The following MMEL1 variants were observed in gnomAD, a reference collection of about 807,000 sequenced individuals.
The protein encoded by MMEL1 is membrane metalloendopeptidase like 1, also known as membrane metallo-endopeptidase-like 1.
Under a neutral mutation model 117.1 loss-of-function variants are expected in MMEL1, and 98 were observed. The observed-to-expected ratio is 0.84, with a 90% CI of 0.71 to 0.99. The LOEUF (loss-of-function observed/expected upper bound fraction) is 0.99. Ranked by LOEUF, MMEL1 falls within the 50% of genes least tolerant of loss-of-function variation. The pLI, the probability that MMEL1 is intolerant of heterozygous loss-of-function variation, is 0.00. For missense variants in MMEL1, 1,014 were observed against 1,049.1 expected (o/e 0.97, Z 0.46); for synonymous variants, 390 against 415.1 (o/e 0.94, Z 0.74).
intron 2 of MMEL1, among the ~76,000 whole-genome samples, chr1:2,628,957 G>T (rs562081140): frequency 6.7e-6 from 1 of 150,022 alleles, no homozygotes; most frequent in African/African-American, 2.5e-5. Flanking sequence ...AGCCGGGGCT[G>T]CGCGGCCAGG....
chr1:2,598,349 G>T, intron 12 of MMEL1, 49 bp from the exon 13 acceptor site: 1 of 1,574,274 alleles, frequency 6.4e-7, no homozygotes, highest in Non-Finnish European at 8.7e-7. Flanking sequence ...AGAGGTCTTT[G>T]CAAGGGAGGA....
rs534160936 is a variant in MMEL1 at position 2,599,595 on chromosome 1, C to T, written c.1042-805G>A. ...AGAAGGGGTCAGCCACAGTGGCTCA[C>T]GCCTGTAATCCCAACACTTTGGGAG... On this transcript the variant is annotated intron_variant, in intron 11 of 23. Coordinates refer to ENST00000378412, the MANE Select transcript of MMEL1 (RefSeq NM_033467.4). 5.9e-5 allele frequency among the ~76,000 whole-genome samples: 9 copies of T among 152,348 alleles called. No individual in the cohort carries two copies. The South Asian group carries it at 1.7e-3, about 28-fold the overall frequency.
chr1:2,601,314 C>T (rs1265964364), intron 11 of MMEL1, among the ~76,000 whole-genome samples: 1 of 152,136 alleles, frequency 6.6e-6, no homozygotes, highest in African/African-American at 2.4e-5. Flanking sequence ...CGCATAGACA[C>T]ACAGGAACAC....
chr1:2,591,884 A>G (rs1644721897), intron 22 of MMEL1, 48 bp downstream of exon 22: 5 of 1,568,636 alleles, frequency 3.2e-6, no homozygotes, highest in Non-Finnish European at 4.4e-6. Flanking sequence ...CCCTCCAGAG[A>G]TGAGTGGGGA....
chr1:2,592,909 T>C lies in MMEL1; in HGVS notation c.1925A>G (p.Gln642Arg). Residue 642 changes from glutamine (Q) to arginine (R), a missense_variant, in exon 20 of 24, where the codon CAG becomes CGG. Transcript: ENST00000378412. ...MMDWWSNFST[Q>R]HFREQSECMI... The stretch of plus-strand genomic sequence containing the variant: ...GCACTCTGACTGCTCCCGGAAGTGC[T>C]GGGTGGAGAAGTTACTCCACCAATC... The C allele has an allele frequency of 6.2e-7, 1 of 1,613,828 alleles. No homozygotes were observed. Among genetic ancestry groups the C allele is most frequent in the African/African-American group, 1.3e-5 (1 of 75,024 alleles).
chr1:2,598,984 T>G (rs1443094640), intron 11 of MMEL1, among the ~76,000 whole-genome samples, 194 bp from the exon 12 acceptor site: 3 of 152,182 alleles, frequency 2.0e-5, no homozygotes, highest in Non-Finnish European at 4.4e-5. Context: ...ATCATGCAGA[T>G]ATATGCGAAA....
At chr1:2,627,434 A>G (rs1638327939) in intron 2 of MMEL1, among the ~76,000 whole-genome samples, 1 of 152,196 alleles carries the variant, frequency 6.6e-6, no homozygotes, top group South Asian at 2.1e-4. Flanking sequence ...TATGTAGAAG[A>G]CTTGATTGAT....
chr1:2,630,359 T>C (rs1233025238), intron 1 of MMEL1, among the ~76,000 whole-genome samples: 6 of 152,160 alleles, frequency 3.9e-5, no homozygotes, highest in Non-Finnish European at 8.8e-5. Flanking sequence ...TGACTGTGCG[T>C]GTGTGCATAT....
intron 2 of MMEL1, among the ~76,000 whole-genome samples, chr1:2,624,852 C>G: frequency 6.6e-6 from 1 of 152,144 alleles, no homozygotes; most frequent in African/African-American, 2.4e-5. Flanking sequence ...GGAAGCGTGG[C>G]TAGGACGCCT....
At chr1:2,594,052 G>A (rs1644790243) in intron 18 of MMEL1, 119 bp from the exon 19 acceptor site, 24 of 1,322,076 alleles carry the variant, frequency 1.8e-5, no homozygotes, top group Non-Finnish European at 2.3e-5. Flanking sequence ...GGAGGCAGAG[G>A]TCAGGATTCC....
In MMEL1 at chr1:2,591,056, G is replaced by A. The variant is rs149151143; in HGVS notation, c.2274C>T (p.Phe758=). The change falls in exon 24 of 24, where the codon TTC becomes TTT. Residue 758 remains phenylalanine, a synonymous_variant. Coordinates refer to ENST00000378412, the MANE Select transcript of MMEL1 (RefSeq NM_033467.4). ...CCCGGGCACAGTGGAACGTGTCTGC[G>A]AAGGCGGCCAGGTTCTGCAGCGACC... ...VLGSLQNLAA[F]ADTFHCARGT... 65 of 1,606,496 alleles carry A rather than the reference G, an allele frequency of 4.0e-5. No homozygotes were observed. Among genetic ancestry groups the A allele is most frequent in the East Asian group, 1.3e-4 (6 of 44,580 alleles).
intron 2 of MMEL1, 101 bp downstream of exon 2, chr1:2,629,230 G>A (rs1174322246): frequency 9.2e-6 from 12 of 1,301,752 alleles, no homozygotes. Flanking sequence ...CATCTGACGG[G>A]CGGGCTCGGG....
rs766070660 is a variant in MMEL1 at position 2,591,964 on chromosome 1, G to C, written c.2131C>G (p.His711Asp). The C allele has an allele frequency of 7.4e-6, 12 of 1,613,436 alleles. No individual in the cohort carries two copies. The highest frequency in any genetic ancestry group is 1.7e-4 in the Middle Eastern group (1 of 6,060). ...DQQLPGLDLT[H>D]EQLFFINYAQ... ...TAGTTGATGAAGAAGAGCTGCTCAT[G>C]GGTGAGATCCAGGCCGGGCAGCTGC... The change falls in exon 22 of 24, where the codon CAT (histidine) becomes GAT (aspartate). Residue 711 changes from histidine (H) to aspartate (D), a missense_variant. Transcript: ENST00000378412.
At chr1:2,607,299 C>T (rs12138909) in intron 6 of MMEL1, among the ~76,000 whole-genome samples, 15,966 of 152,216 alleles carry the variant, frequency 0.1, 1,166 homozygotes, top group Non-Finnish European at 0.15. Flanking sequence ...TGGACACGGG[C>T]GTGAAAGGAG....
rs747014413 is a variant in MMEL1, at chr1:2,609,395, T to G, written c.479A>C (p.Lys160Thr). The G allele has an allele frequency of 3.1e-6, 5 of 1,611,826 alleles. No individual in the cohort carries two copies. The highest frequency in any genetic ancestry group is 4.2e-6 in the Non-Finnish European group (5 of 1,179,358). ...LKAVLENSTA[K>T]DRPAVEKART... ...GGCCTTCTCCACAGCCGGCCGGTCCTTGGCAGTCGAATTCTCCAGCACCGC... is the reference window on the plus strand; with the variant it reads ...GGCCTTCTCCACAGCCGGCCGGTCCGTGGCAGTCGAATTCTCCAGCACCGC... The change falls in exon 6 of 24, where the codon AAG (lysine) becomes ACG (threonine). Residue 160 changes from lysine to threonine, a missense_variant. Coordinates refer to ENST00000378412, the MANE Select transcript of MMEL1 (RefSeq NM_033467.4).
At chr1:2,609,165 C>G (rs1422713115) in intron 6 of MMEL1, among the ~76,000 whole-genome samples, 174 bp downstream of exon 6, 14 of 152,086 alleles carry the variant, frequency 9.2e-5, no homozygotes, top group Admixed American at 9.2e-4. Context: ...TACTGCGAGC[C>G]TGGACCCTGT....
At chr1:2,605,834 G>T (rs1645016155) in intron 8 of MMEL1, among the ~76,000 whole-genome samples, 1 of 152,024 alleles carries the variant, frequency 6.6e-6, no homozygotes, top group South Asian at 2.1e-4. Context: ...AGGGTGGCGG[G>T]GGTGGGGTGG....
chr1:2,606,462 G>T, intron 7 of MMEL1, 96 bp from the exon 8 acceptor site: 1 of 863,798 alleles, frequency 1.2e-6, no homozygotes, highest in South Asian at 1.5e-5. Flanking sequence ...CAGGAACTAG[G>T]GGGCCATAGG....
In MMEL1 at chr1:2,594,804, C is replaced by A; in HGVS notation, c.1674G>T (p.Lys558Asn). 6.2e-7 allele frequency: 1 copy of A among 1,613,834 alleles called. No homozygotes were observed. Among genetic ancestry groups the A allele is most frequent in the South Asian group, 1.1e-5 (1 of 91,080 alleles). Residue 558 changes from lysine to asparagine, a missense_variant, in exon 17 of 24, where the codon AAG (lysine) becomes AAT (asparagine). Transcript: ENST00000378412. Reference sequence around the variant, plus strand: ...ATGCCACTCACAGATTTGGGTCCACCTTTTCCCGAAGCTTCCTGAGGCTCC... The same window carrying A: ...ATGCCACTCACAGATTTGGGTCCACATTTTCCCGAAGCTTCCTGAGGCTCC... ...AQRSLRKLRE[K>N]VDPNLWIIGA...
Sources: allele counts gnomAD v4.1 joint callset (sites outside exome capture counted in the v4.1 genomes callset), GRCh38; gene constraint gnomAD v4.1.1; transcripts MANE v1.5; gene names NCBI Gene and HGNC (gene_info 2026-07-23, HGNC 2026-07-21).